ATAD2B: variants seen among roughly 807,000 people sequenced by gnomAD.
The protein encoded by ATAD2B is ATPase family AAA domain-containing protein 2B.
Under a neutral mutation model 167.6 loss-of-function variants are expected in ATAD2B, and 40 were observed. The ratio of observed to expected loss-of-function variants is 0.24; its 90% CI spans 0.19 to 0.31. The LOEUF (loss-of-function observed/expected upper bound fraction) is 0.31, where lower values mean the gene tolerates loss of function less well. Ranked by LOEUF, ATAD2B falls within the 10% of genes least tolerant of loss-of-function variation. ATAD2B has a pLI of 1.00. For missense variants in ATAD2B, 1,242 were observed against 1,757.2 expected (o/e 0.71, Z 5.24); for synonymous variants, 579 against 596.5 (o/e 0.97, Z 0.43).
chr2:23,872,803 T>C (rs189273164), intron 8 of ATAD2B: 27 of 1,005,726 alleles, frequency 2.7e-5, no homozygotes, highest in Non-Finnish European at 4.1e-5. Context: ...CATCTAGCAC[T>C]GTCCAGAGGG....
intron 23 of ATAD2B, 48 bp from the exon 24 acceptor site, chr2:23,762,394 T>C: frequency 6.4e-7 from 1 of 1,550,888 alleles, no homozygotes; most frequent in East Asian, 2.3e-5. Flanking sequence ...CCCAGCTACA[T>C]AAACCAAAAG....
the ATAD2B span, among the ~76,000 whole-genome samples, chr2:23,681,414 C>T: frequency 3.3e-5 from 5 of 152,170 alleles, no homozygotes; most frequent in East Asian, 1.9e-4. This position sits in a 1 kb window ranked among gnomAD's most constrained non-coding sequence, Gnocchi z 4.2. Flanking sequence ...GAAGGTGTCA[C>T]GGCCGGGGCT....
the ATAD2B span, among the ~76,000 whole-genome samples, chr2:23,721,447 G>A: frequency 6.6e-6 from 1 of 152,024 alleles, no homozygotes; most frequent in African/African-American, 2.4e-5. Context: ...GTGCACCAAT[G>A]TCCGTGGCCT....
chr2:23,806,255 TTTTA>T (rs1553396742), intron 18 of ATAD2B: 1 of 152,164 alleles, frequency 6.6e-6, no homozygotes, highest in Non-Finnish European at 1.5e-5. Flanking sequence ...GAAATCCCAG[TTTTA>T]TTTGTTTTGC....
At chr2:23,792,828 G>A (rs1273108179) in intron 19 of ATAD2B, among the ~76,000 whole-genome samples, 3 of 151,656 alleles carry the variant, frequency 2.0e-5, no homozygotes, top group Non-Finnish European at 2.9e-5. Flanking sequence ...TGGGCGTGGT[G>A]GCGGGCGCCT....
At chr2:23,725,430 T>C in the ATAD2B span, among the ~76,000 whole-genome samples, 3 of 152,244 alleles carry the variant, frequency 2.0e-5, no homozygotes, top group Admixed American at 1.3e-4. Flanking sequence ...TTTAAGTTCT[T>C]AAAAATATTT....
chr2:23,884,012 T>G (rs1698336390), intron 6 of ATAD2B, among the ~76,000 whole-genome samples: 1 of 151,958 alleles, frequency 6.6e-6, no homozygotes, highest in East Asian at 1.9e-4. Flanking sequence ...GACATGGTGG[T>G]GCACGCCTGT....
chr2:23,858,968 T>C (rs1161035047), intron 12 of ATAD2B, among the ~76,000 whole-genome samples: 1 of 152,182 alleles, frequency 6.6e-6, no homozygotes, highest in Non-Finnish European at 1.5e-5. Flanking sequence ...CATATTAATA[T>C]AATAAATCCT....
At chr2:23,807,852 T>C (rs2149515193) in intron 18 of ATAD2B, among the ~76,000 whole-genome samples, 1 of 129,638 alleles carries the variant, frequency 7.7e-6, no homozygotes, top group East Asian at 2.1e-4. Flanking sequence ...TATAATAAAA[T>C]ATAAAATATA....
At chr2:23,696,616 C>A in the ATAD2B span, 1 of 938,988 alleles carries the variant, frequency 1.1e-6, no homozygotes, top group Non-Finnish European at 1.6e-6. The surrounding 1 kb of genome is among the most constrained non-coding windows in gnomAD (Gnocchi z 5.5). Flanking sequence ...GGCGATGGAG[C>A]AGAGCCTGGA....
intron 19 of ATAD2B, among the ~76,000 whole-genome samples, chr2:23,794,071 G>C (rs1363070945): frequency 6.6e-6 from 1 of 152,142 alleles, no homozygotes; most frequent in Non-Finnish European, 1.5e-5. Context: ...GGAGTGCAGT[G>C]ACACGATCTT....
chr2:23,818,054 A>C (rs1686717368), intron 17 of ATAD2B, among the ~76,000 whole-genome samples: 1 of 150,526 alleles, frequency 6.6e-6, no homozygotes, highest in Non-Finnish European at 1.5e-5. Flanking sequence ...AATCCAAATA[A>C]CTATAACTGT....
At chr2:23,861,714 T>A (rs1694401129) in intron 12 of ATAD2B, among the ~76,000 whole-genome samples, 1 of 152,232 alleles carries the variant, frequency 6.6e-6, no homozygotes, top group South Asian at 2.1e-4. Flanking sequence ...TTGAATAATA[T>A]GCCAGCATTG....
At chr2:23,703,852 C>A in the ATAD2B span, 1 of 1,536,676 alleles carries the variant, frequency 6.5e-7, no homozygotes, top group Non-Finnish European at 8.7e-7. Flanking sequence ...ACCACTCTCG[C>A]CAGTTCTGCA....
chr2:23,706,982 T>C, the ATAD2B span: 3 of 237,652 alleles, frequency 1.3e-5, no homozygotes, highest in South Asian at 1.1e-4. Flanking sequence ...AGCTGTTTTT[T>C]CCTTCCTGCA....
intron 24 of ATAD2B, among the ~76,000 whole-genome samples, chr2:23,760,114 A>G (rs958313676): frequency 2.6e-5 from 4 of 152,242 alleles, no homozygotes; most frequent in Admixed American, 2.0e-4. Flanking sequence ...GCCCTGCTGA[A>G]GCAAGTTACT....
the ATAD2B span, among the ~76,000 whole-genome samples, chr2:23,722,875 G>A: frequency 6.6e-6 from 1 of 152,190 alleles, no homozygotes; most frequent in Non-Finnish European, 1.5e-5. Context: ...CAGAATAACA[G>A]CAGATTTCTT....
chr2:23,809,258 G>C (rs1278820501), intron 18 of ATAD2B: 2 of 152,078 alleles, frequency 1.3e-5, no homozygotes, highest in Non-Finnish European at 2.9e-5. Context: ...GTCAAACTGG[G>C]AGCAAAATAC....
the ATAD2B span, chr2:23,691,360 C>A: frequency 5.0e-6 from 2 of 399,682 alleles, no homozygotes; most frequent in Non-Finnish European, 9.3e-6. Flanking sequence ...TGGGCTGAAC[C>A]GTATTGTTTC....
Sources: gnomAD v4.1 joint callset for allele counts (sites outside exome capture counted in the v4.1 genomes callset) on GRCh38, gnomAD v4.1.1 for gene constraint, Gnocchi (gnomAD v3.1) non-coding constraint, MANE v1.5 for transcripts, NCBI Gene and HGNC (gene_info 2026-07-23, HGNC 2026-07-21) for gene names.